The following CAST variants were observed in gnomAD, a reference collection of about 807,000 sequenced individuals.
CAST encodes the protein MIR583 host.
Under a neutral mutation model 119.6 loss-of-function variants are expected in CAST, and 76 were observed. The observed-to-expected ratio is 0.64, with a 90% CI of 0.53 to 0.77. The LOEUF (loss-of-function observed/expected upper bound fraction) is 0.77, where lower values mean the gene tolerates loss of function less well. CAST is among the 30% of genes least tolerant of loss of function. The probability of loss-of-function intolerance (pLI) is 0.00; values close to 1 mark genes in which losing one functional copy is unlikely to be tolerated. For synonymous variants in CAST, 319 were observed against 331.6 expected (o/e 0.96, Z 0.41); for missense variants, 953 against 946.5 (o/e 1.01, Z -0.09).
chr5:96,095,708 T>C, the CAST span, among the ~76,000 whole-genome samples: 53 of 152,120 alleles, frequency 3.5e-4, no homozygotes, highest in Non-Finnish European at 6.2e-4. Flanking sequence ...TGCATCTGAA[T>C]ATGATAGAAT....
At chr5:96,449,223 T>C in the CAST span, among the ~76,000 whole-genome samples, 1 of 152,196 alleles carries the variant, frequency 6.6e-6, no homozygotes, top group African/African-American at 2.4e-5. Context: ...CAATTCTGTA[T>C]AGACACATAC....
chr5:96,243,859 A>G, the CAST span, among the ~76,000 whole-genome samples: 11 of 152,136 alleles, frequency 7.2e-5, no homozygotes, highest in African/African-American at 2.7e-4. Context: ...CCCCTTCCCA[A>G]ATGCATGAGC....
At chr5:96,456,205 A>T in the CAST span, among the ~76,000 whole-genome samples, 1 of 152,238 alleles carries the variant, frequency 6.6e-6, no homozygotes, top group Admixed American at 6.5e-5. Flanking sequence ...ATAGGACCAG[A>T]CGTTGATTTC....
At chr5:96,418,568 C>A in the CAST span, among the ~76,000 whole-genome samples, 4 of 152,132 alleles carry the variant, frequency 2.6e-5, no homozygotes, top group East Asian at 7.7e-4. Context: ...CTATTAATCT[C>A]ATTTACGTGG....
the CAST span, among the ~76,000 whole-genome samples, chr5:96,200,995 T>C: frequency 0.13 from 19,268 of 152,078 alleles, 1,718 homozygotes; most frequent in African/African-American, 0.23. Context: ...TTTCAAGTCA[T>C]GTAATAATAA....
the CAST span, among the ~76,000 whole-genome samples, chr5:95,967,060 G>T: frequency 8.1e-4 from 123 of 152,328 alleles, 2 homozygotes; most frequent in South Asian, 0.024. Flanking sequence ...GTGGTAAAGA[G>T]TGACCTAACA....
At chr5:96,162,293 A>G in the CAST span, among the ~76,000 whole-genome samples, 1 of 152,124 alleles carries the variant, frequency 6.6e-6, no homozygotes, top group Non-Finnish European at 1.5e-5. Context: ...TCATTTCATT[A>G]CCTTGTTGAA....
the CAST span, among the ~76,000 whole-genome samples, chr5:95,996,239 A>G: frequency 6.6e-6 from 1 of 152,184 alleles, no homozygotes; most frequent in South Asian, 2.1e-4. Context: ...TGCAGACTTT[A>G]GGATCAGCAG....
intron 24 of CAST, 108 bp from the exon 25 acceptor site, chr5:96,762,166 G>A: frequency 5.4e-6 from 3 of 551,492 alleles, no homozygotes; most frequent in Non-Finnish European, 9.4e-6. Flanking sequence ...ATTTGGTCAA[G>A]AGAATAAACA....
chr5:96,442,349 T>G, the CAST span, among the ~76,000 whole-genome samples: 1 of 152,228 alleles, frequency 6.6e-6, no homozygotes, highest in African/African-American at 2.4e-5. Flanking sequence ...CCATAGTAAG[T>G]ACTCAATAAA....
At chr5:96,340,779 C>G in the CAST span, among the ~76,000 whole-genome samples, 1 of 152,160 alleles carries the variant, frequency 6.6e-6, no homozygotes, top group Admixed American at 6.5e-5. Flanking sequence ...TCTTCCAAAA[C>G]AGTAAGCTGT....
At chr5:96,179,714 C>T in the CAST span, among the ~76,000 whole-genome samples, 4 of 152,158 alleles carry the variant, frequency 2.6e-5, no homozygotes, top group South Asian at 2.1e-4. Flanking sequence ...GCACTTGTCA[C>T]GTTGAGAGAA....
chr5:96,400,195 G>A, the CAST span: 1,763 of 1,592,342 alleles, frequency 1.1e-3, 14 homozygotes, highest in East Asian at 4.7e-3. Flanking sequence ...GGCTGGAGGG[G>A]AAGTGACCCA....
the CAST span, among the ~76,000 whole-genome samples, chr5:96,129,329 G>C: frequency 1.3e-5 from 2 of 152,056 alleles, no homozygotes; most frequent in Admixed American, 6.6e-5. Context: ...TAAAGTGGGT[G>C]GATAACAATT....
the CAST span, among the ~76,000 whole-genome samples, chr5:96,286,604 T>A: frequency 6.6e-6 from 1 of 152,112 alleles, no homozygotes; most frequent in South Asian, 2.1e-4. Flanking sequence ...TCCAGGAATT[T>A]TTTCCTAAGT....
intron 10 of CAST, among the ~76,000 whole-genome samples, chr5:96,737,490 G>T (rs1258323271): frequency 6.6e-6 from 1 of 152,126 alleles, no homozygotes; most frequent in East Asian, 1.9e-4. Context: ...GAGCAACATG[G>T]TTATAATTCC....
chr5:96,746,488 C>T, intron 17 of CAST, 63 bp downstream of exon 17: 1 of 934,840 alleles, frequency 1.1e-6, no homozygotes, highest in Admixed American at 1.7e-5. Flanking sequence ...TTTGTTGTAT[C>T]TGTACCCTTG....
chr5:96,707,009 C>T (rs1309398661), intron 3 of CAST, among the ~76,000 whole-genome samples: 3 of 152,220 alleles, frequency 2.0e-5, no homozygotes, highest in Non-Finnish European at 2.9e-5. Context: ...CTGTTTCTTT[C>T]TTCACCACTC....
At chr5:96,041,629 TA>T in the CAST span, among the ~76,000 whole-genome samples, 1 of 152,144 alleles carries the variant, frequency 6.6e-6, no homozygotes, top group Non-Finnish European at 1.5e-5. Flanking sequence ...TGTAAGATGA[TA>T]ATTATAGGAG....
Sources: gnomAD v4.1 joint callset for allele counts (sites outside exome capture counted in the v4.1 genomes callset) on GRCh38, gnomAD v4.1.1 for gene constraint, MANE v1.5 for transcripts, NCBI Gene and HGNC (gene_info 2026-07-23, HGNC 2026-07-21) for gene names.